Variants in APBA2 observed in about 807,000 individuals in gnomAD.
The protein encoded by APBA2 is amyloid beta precursor protein binding family A member 2, also known as amyloid-beta A4 precursor protein-binding family A member 2.
A neutral mutation model predicts 75.0 loss-of-function variants in APBA2; 30 were observed. That is an observed-to-expected ratio of 0.40 (90% CI 0.30 to 0.54). The LOEUF is 0.54. Ranked by LOEUF, APBA2 falls within the 20% of genes least tolerant of loss-of-function variation. The pLI is 0.49. For synonymous variants in APBA2, 444 were observed against 409.6 expected, an observed-to-expected ratio of 1.08 and a Z score of -1.01; for missense variants, 801 against 1,016.1, an observed-to-expected ratio of 0.79 and a Z score of 2.88.
At position 28,918,541 on chromosome 15, in the gene APBA2, G is replaced by C. The variant is rs1273275843; in HGVS notation, c.-204-3099G>C. ...TTCTCCACCAGCCTTCCCTTTGGTC[G>C]CCCCCTGGCGTCCGCGTCATTGTGG... On this transcript the variant is annotated intron_variant, in intron 1 of 14. Transcript: ENST00000683413. The surrounding 1 kb of genome is among the most constrained non-coding windows in gnomAD (Gnocchi z 4.2). Among the ~76,000 whole-genome samples, 1 of 147,406 alleles carries C rather than the reference G, an allele frequency of 6.8e-6. No homozygotes were observed. The highest frequency in any genetic ancestry group is 2.5e-5 in the African/African-American group (1 of 40,164).
At chr15:28,907,333 T>A (rs1291907597) in intron 1 of APBA2, among the ~76,000 whole-genome samples, 6 of 152,230 alleles carry the variant, frequency 3.9e-5, no homozygotes, top group Admixed American at 3.9e-4. Flanking sequence ...CCATTCTAAT[T>A]TACTGCTTTA....
intron 2 of APBA2, among the ~76,000 whole-genome samples, chr15:28,946,593 T>C (rs1404721613): frequency 6.6e-6 from 1 of 152,196 alleles, no homozygotes; most frequent in Non-Finnish European, 1.5e-5. Context: ...CTTTTCTTTT[T>C]TTTGAGACAG....
chr15:28,962,371 A>G (rs912892348), intron 2 of APBA2, among the ~76,000 whole-genome samples: 1 of 151,904 alleles, frequency 6.6e-6, no homozygotes, highest in African/African-American at 2.4e-5. Flanking sequence ...GGAGATTGAG[A>G]CCATCCTGGC....
rs1283460916 is a variant in APBA2, at chr15:28,918,643, C to G, written c.-204-2997C>G. Among the ~76,000 whole-genome samples the G allele has an allele frequency of 1.1e-5, 1 of 90,520 alleles. No homozygotes were observed. Among genetic ancestry groups the G allele is most frequent in the Non-Finnish European group, 2.2e-5 (1 of 45,550 alleles). 59.4% of individuals were successfully genotyped at this position (90,520 alleles called of 152,430 possible). ...GGTGGGGTTGGGGGTGGGGGTGGGG[C>G]TGGGGGTGGTTGCAGCGGGGCCTAT... is the stretch of plus-strand genomic sequence containing the variant. On this transcript the variant is annotated intron_variant, in intron 1 of 14. Coordinates refer to ENST00000683413, the MANE Select transcript of APBA2 (RefSeq NM_001353788.2). This position sits in a 1 kb window ranked among gnomAD's most constrained non-coding sequence, Gnocchi z 4.2.
intron 8 of APBA2, among the ~76,000 whole-genome samples, chr15:29,095,413 C>T (rs575164003): frequency 1.4e-5 from 2 of 140,950 alleles, no homozygotes; most frequent in Non-Finnish European, 3.1e-5. Context: ...CTGGGCAACA[C>T]GAGCGAAACT....
At chr15:28,988,221 A>T (rs80042245) in intron 2 of APBA2, among the ~76,000 whole-genome samples, 12,412 of 151,304 alleles carry the variant, frequency 0.082, 679 homozygotes, top group East Asian at 0.27. Flanking sequence ...TTTTGTCTGT[A>T]AGCGTTATGT....
rs114331302 is a variant in APBA2, at chr15:29,009,217, A to G, written c.-41+13411A>G. 3.4e-3 allele frequency among the ~76,000 whole-genome samples: 518 copies of G among 152,222 alleles called. 5 individuals carry two copies. The highest frequency in any genetic ancestry group is 0.012 in the African/African-American group (488 of 41,522). ...AAAAAGACGAGCCCCTGCCCAAGAT[A>G]TGGTGCCTTTTCTAGTCTCATAGCA... On this transcript the variant is annotated intron_variant, in intron 3 of 14. Transcript: ENST00000683413.
intron 13 of APBA2, among the ~76,000 whole-genome samples, chr15:29,110,920 T>G (rs1005890525): frequency 2.1e-4 from 32 of 152,056 alleles, no homozygotes; most frequent in Non-Finnish European, 4.6e-4. Flanking sequence ...TCCAGCTGCC[T>G]TCTGGGGCAG....
intron 3 of APBA2, among the ~76,000 whole-genome samples, chr15:29,005,939 T>TA (rs1407725015): frequency 6.6e-6 from 1 of 152,116 alleles, no homozygotes; most frequent in Admixed American, 6.6e-5. Flanking sequence ...CGCAACATAA[T>TA]AAAGACCATA....
intron 3 of APBA2, among the ~76,000 whole-genome samples, chr15:29,050,472 A>G (rs2041543380): frequency 6.6e-6 from 1 of 152,232 alleles, no homozygotes; most frequent in Non-Finnish European, 1.5e-5. Context: ...AGTCCAAATT[A>G]TATTGTTGTC....
chr15:29,089,573 C>T (rs1380995170), intron 6 of APBA2, among the ~76,000 whole-genome samples: 1 of 152,166 alleles, frequency 6.6e-6, no homozygotes, highest in African/African-American at 2.4e-5. Context: ...CCTCTGTCCA[C>T]CACCCATGTT....
At chr15:29,075,381 C>T (rs1299260756) in intron 5 of APBA2, among the ~76,000 whole-genome samples, 3 of 152,114 alleles carry the variant, frequency 2.0e-5, no homozygotes, top group Admixed American at 2.0e-4. Flanking sequence ...ACATTGAGGC[C>T]TAGGTAATAC....
In APBA2 at chr15:28,993,791, C is replaced by T. The variant is rs186959238; in HGVS notation, c.-94-1962C>T. On this transcript the variant is annotated intron_variant, in intron 2 of 14. Coordinates refer to ENST00000683413, the MANE Select transcript of APBA2 (RefSeq NM_001353788.2). ...AGGCGGTGGGCGATGGGCAGGTCTCCTAGGGCTGGGAAACAGTCCTGAGAC... is the reference window on the plus strand; with the variant it reads ...AGGCGGTGGGCGATGGGCAGGTCTCTTAGGGCTGGGAAACAGTCCTGAGAC... 2.4e-3 allele frequency among the ~76,000 whole-genome samples: 366 copies of T among 152,254 alleles called. 2 individuals are homozygous for T. Among genetic ancestry groups the T allele is most frequent in the African/African-American group, 8.3e-3 (346 of 41,542 alleles).
intron 2 of APBA2, among the ~76,000 whole-genome samples, chr15:28,971,062 C>A (rs913821569): frequency 6.6e-6 from 1 of 152,226 alleles, no homozygotes; most frequent in Non-Finnish European, 1.5e-5. Context: ...ATTTCACTCT[C>A]ACCATGTAAA....
intron 9 of APBA2, 86 bp from the exon 10 acceptor site, chr15:29,101,513 T>C: frequency 6.8e-7 from 1 of 1,469,692 alleles, no homozygotes; most frequent in South Asian, 1.2e-5. Context: ...ATTACAGGCT[T>C]GAGCCACCAT....
rs550448863 is a variant in APBA2, at chr15:28,901,536, C to T, written c.-205+15258C>T. On this transcript the variant is annotated intron_variant, in intron 1 of 14. Transcript: ENST00000683413. The stretch of plus-strand genomic sequence containing the variant: ...GCTGTGTGTGGTTCAGAAGCACAGA[C>T]GCATGACTTCTCTGTGCCCTGGATG... Among the ~76,000 whole-genome samples, 52 of 152,262 alleles carry T rather than the reference C, an allele frequency of 3.4e-4. No individual in the cohort carries two copies. In the South Asian group the frequency reaches 0.01, roughly 30 times the overall value.
chr15:29,031,823 T>G (rs1204372975), intron 3 of APBA2, among the ~76,000 whole-genome samples: 1 of 152,226 alleles, frequency 6.6e-6, no homozygotes, highest in Admixed American at 6.5e-5. Context: ...TACAATCCTC[T>G]TGTAAGACAG....
chr15:28,889,170 G>A (rs1194439106), intron 1 of APBA2, among the ~76,000 whole-genome samples: 1 of 152,112 alleles, frequency 6.6e-6, no homozygotes, highest in African/African-American at 2.4e-5. Flanking sequence ...CAGCCTGCTG[G>A]CACAGGCTGA....
intron 6 of APBA2, among the ~76,000 whole-genome samples, chr15:29,089,948 C>G (rs1475058924): frequency 6.6e-6 from 1 of 152,144 alleles, no homozygotes; most frequent in Non-Finnish European, 1.5e-5. Flanking sequence ...ACATGTAGGG[C>G]TAGCTGCTTT....
Sources: gnomAD v4.1 joint callset for allele counts (sites outside exome capture counted in the v4.1 genomes callset) on GRCh38, gnomAD v4.1.1 for gene constraint, Gnocchi (gnomAD v3.1) non-coding constraint, MANE v1.5 for transcripts, NCBI Gene and HGNC (gene_info 2026-07-23, HGNC 2026-07-21) for gene names.